Variants in ABCB1 observed in about 807,000 individuals in gnomAD.
ABCB1 encodes the protein ATP binding cassette subfamily B member 1.
Under a neutral mutation model 142.0 loss-of-function variants are expected in ABCB1, and 69 were observed. The observed-to-expected ratio is 0.49, with a 90% CI of 0.40 to 0.59. ABCB1 has a LOEUF of 0.59. ABCB1 is among the 20% of genes least tolerant of loss of function. The probability of loss-of-function intolerance (pLI) is 0.00; values close to 1 mark genes in which losing one functional copy is unlikely to be tolerated. For synonymous variants in ABCB1, 532 were observed against 539.2 expected (o/e 0.99, Z 0.18); for missense variants, 1,326 against 1,554.7 (o/e 0.85, Z 2.47).
intron 1 of ABCB1, among the ~76,000 whole-genome samples, chr7:87,662,376 C>A (rs1824799443): frequency 6.6e-6 from 1 of 151,984 alleles, no homozygotes; most frequent in South Asian, 2.1e-4. Context: ...AATAATTTCA[C>A]ACTTTCAGGT....
intron 1 of ABCB1, among the ~76,000 whole-genome samples, chr7:87,650,263 T>C (rs1823444799): frequency 1.3e-5 from 2 of 152,176 alleles, no homozygotes; most frequent in African/African-American, 4.8e-5. Flanking sequence ...GTAGATACTT[T>C]CTTAGTCCTT....
chr7:87,649,686 G>A (rs1041626294), intron 1 of ABCB1, among the ~76,000 whole-genome samples: 1 of 152,028 alleles, frequency 6.6e-6, no homozygotes, highest in Admixed American at 6.6e-5. Flanking sequence ...TAAAAATTTT[G>A]GATGTTGAAA....
chr7:87,527,891 G>C (rs1815859873), intron 21 of ABCB1, among the ~76,000 whole-genome samples: 1 of 152,136 alleles, frequency 6.6e-6, no homozygotes, highest in South Asian at 2.1e-4. Flanking sequence ...TGCTAATAAA[G>C]ACATGCCCAA....
intron 1 of ABCB1, among the ~76,000 whole-genome samples, chr7:87,610,433 G>A (rs1200565108): frequency 1.6e-5 from 2 of 124,578 alleles, no homozygotes; most frequent in African/African-American, 6.3e-5. Context: ...CAGAGATAGA[G>A]TCTGCCTGTG....
intron 1 of ABCB1, among the ~76,000 whole-genome samples, chr7:87,683,283 T>C (rs1387609418): frequency 6.6e-6 from 1 of 152,232 alleles, no homozygotes; most frequent in Non-Finnish European, 1.5e-5. Context: ...TAAGGCTCTT[T>C]CACTTCCTTC....
intron 21 of ABCB1, 76 bp downstream of exon 21, chr7:87,531,218 G>T: frequency 8.1e-7 from 1 of 1,229,544 alleles, no homozygotes. Flanking sequence ...ATAGTAAGCA[G>T]TAGGGAGTAA....
At chr7:87,688,014 A>G (rs1180148717) in intron 1 of ABCB1, among the ~76,000 whole-genome samples, 1 of 152,186 alleles carries the variant, frequency 6.6e-6, no homozygotes, top group African/African-American at 2.4e-5. Context: ...AATTCATCCA[A>G]TAAAATCCCA....
intron 1 of ABCB1, among the ~76,000 whole-genome samples, chr7:87,640,235 TA>T (rs1297941585): frequency 6.6e-6 from 1 of 150,836 alleles, no homozygotes; most frequent in African/African-American, 2.4e-5. Context: ...TTTATTACCA[TA>T]TTTTTTTACA....
chr7:87,619,214 A>G (rs922645876), intron 1 of ABCB1, among the ~76,000 whole-genome samples: 1 of 152,192 alleles, frequency 6.6e-6, no homozygotes, highest in Non-Finnish European at 1.5e-5. Context: ...TAACCTCACT[A>G]TCAAGGTCAA....
At position 87,554,336 on chromosome 7, in the gene ABCB1, TA is replaced by T. The variant is rs5885589; in HGVS notation, c.828-405del. 1.7e-3 allele frequency among the ~76,000 whole-genome samples: 244 copies of T among 142,142 alleles called. 1 individual carries two copies. The highest frequency in any genetic ancestry group is 0.012 in the South Asian group (53 of 4,376). The allele number at this position is 142,142 out of a possible 152,430, so 93.3% of individuals were successfully genotyped here. On this transcript the variant is annotated intron_variant, in intron 8 of 27. Coordinates refer to ENST00000622132, the MANE Select transcript of ABCB1 (RefSeq NM_001348946.2). ...ATGGAGAGATAATGTTAGAAAGTAC[TA>T]AAAAAAAAAAAAAGGGACAGTCATT...
At chr7:87,628,233 T>A (rs987352333) in intron 1 of ABCB1, among the ~76,000 whole-genome samples, 79 of 152,170 alleles carry the variant, frequency 5.2e-4, no homozygotes, top group African/African-American at 1.4e-3. Flanking sequence ...GAGCCCAGCG[T>A]CCTTGACAGC....
chr7:87,638,010 A>G (rs1258927311), intron 1 of ABCB1, among the ~76,000 whole-genome samples: 1 of 152,064 alleles, frequency 6.6e-6, no homozygotes, highest in Non-Finnish European at 1.5e-5. Flanking sequence ...TTCTATTTCT[A>G]AATTGCTGAG....
In ABCB1 at chr7:87,703,982, A is replaced by G. The variant is rs1259737425; in HGVS notation, c.-331+9179T>C. ...GTCGCCCAGGCTGGAGTGCAAAGGT[A>G]CGATCTCAGCTCACTGCAACCTCCA... is the stretch of plus-strand genomic sequence containing the variant. On this transcript the variant is annotated intron_variant, in intron 1 of 28. Coordinates refer to the ABCB1 transcript ENST00000265724. 2.7e-4 allele frequency among the ~76,000 whole-genome samples: 31 copies of G among 113,628 alleles called. 1 individual carries two copies. The highest frequency in any genetic ancestry group is 3.5e-4 in the Non-Finnish European group (21 of 60,462). The allele number at this position is 113,628 out of a possible 152,430, so 74.5% of individuals were successfully genotyped here.
intron 1 of ABCB1, among the ~76,000 whole-genome samples, chr7:87,683,964 A>G (rs1585093879): frequency 1.3e-5 from 2 of 152,364 alleles, no homozygotes; most frequent in Non-Finnish European, 2.9e-5. Flanking sequence ...TGACAGATCA[A>G]ACTGGAATGC....
At chr7:87,583,766 T>G (rs183064668) in intron 4 of ABCB1, among the ~76,000 whole-genome samples, 1 of 152,304 alleles carries the variant, frequency 6.6e-6, no homozygotes, top group African/African-American at 2.4e-5. Flanking sequence ...ATAAACTGTA[T>G]GTATTAACAT....
At chr7:87,654,903 T>A (rs1476631862) in intron 1 of ABCB1, among the ~76,000 whole-genome samples, 1 of 152,000 alleles carries the variant, frequency 6.6e-6, no homozygotes, top group East Asian at 1.9e-4. Flanking sequence ...CATTCTCAAA[T>A]AAGACATTCA....
At chr7:87,620,492 T>A (rs1401544406) in intron 1 of ABCB1, among the ~76,000 whole-genome samples, 1 of 149,092 alleles carries the variant, frequency 6.7e-6, no homozygotes, top group Admixed American at 6.6e-5. Context: ...TTCAATAGGG[T>A]TTTTTTTTCT....
chr7:87,628,513 C>T, intron 1 of ABCB1: 1 of 249,874 alleles, frequency 4.0e-6, no homozygotes, highest in Non-Finnish European at 7.6e-6. Context: ...AGGAGGAGAG[C>T]GCCTGACGCC....
At chr7:87,512,265 C>T (rs1815049311) in intron 25 of ABCB1, among the ~76,000 whole-genome samples, 1 of 151,900 alleles carries the variant, frequency 6.6e-6, no homozygotes, top group African/African-American at 2.4e-5. Flanking sequence ...GAGGATCCTC[C>T]CATCTTCACA....
Sources: gnomAD v4.1 joint callset for allele counts (sites outside exome capture counted in the v4.1 genomes callset) on GRCh38, gnomAD v4.1.1 for gene constraint, MANE v1.5 for transcripts, NCBI Gene and HGNC (gene_info 2026-07-23, HGNC 2026-07-21) for gene names.